The following PLXNA4 variants were observed in gnomAD, a reference collection of about 807,000 sequenced individuals.
PLXNA4 encodes plexin-A4.
Under a neutral mutation model 191.8 loss-of-function variants are expected in PLXNA4, and 44 were observed. The observed-to-expected ratio is 0.23, with a 90% CI of 0.18 to 0.29. The LOEUF is 0.29. Among genes scored for constraint, PLXNA4 ranks in the 10% least tolerant of loss-of-function variants. The pLI is 1.00. For missense variants in PLXNA4, 1,800 were observed against 2,488.8 expected, an observed-to-expected ratio of 0.72 and a Z score of 5.89; for synonymous variants, 1,082 against 1,009.5, an observed-to-expected ratio of 1.07 and a Z score of -1.36.
At chr7:132,484,943 G>GC in intron 3 of PLXNA4, 1 of 1,614,100 alleles carries the variant, frequency 6.2e-7, no homozygotes, top group Non-Finnish European at 8.5e-7. Context: ...AGCAATGTTC[G>GC]CCCCAGGTGG....
chr7:132,123,992 C>A lies in PLXNA4; in HGVS notation c.*6487G>T, dbSNP rs541948405. 6.6e-6 allele frequency: 1 copy of A among 152,402 alleles called. No individual in the cohort carries two copies. Among genetic ancestry groups the A allele is most frequent in the South Asian group, 2.1e-4 (1 of 4,822 alleles). 9.4% of individuals were successfully genotyped at this position (152,402 alleles called of 1,614,324 possible). ...GCTATGGTAACTCAGCAGGACCCTG[C>A]TGGAAGAGATGGGCTGGCCCCTACA... On this transcript the variant is annotated 3_prime_UTR_variant, in exon 32 of 32. Coordinates refer to ENST00000321063, the MANE Select transcript of PLXNA4 (RefSeq NM_020911.2).
At position 132,317,052 on chromosome 7, in the gene PLXNA4, A is replaced by T. The variant is rs78874979; in HGVS notation, c.1372-18830T>A. On this transcript the variant is annotated intron_variant, in intron 3 of 31. Coordinates refer to ENST00000321063, the MANE Select transcript of PLXNA4 (RefSeq NM_020911.2). ...TGTTGTGTTGTGTTAGACTGGATTT[A>T]TTGGATTAGGTTGGGTTGAATTGGA... Among the ~76,000 whole-genome samples the T allele has an allele frequency of 3.7e-3, 569 of 151,956 alleles. 14 individuals carry two copies. In the East Asian group the frequency reaches 0.043, roughly 12 times the overall value.
At chr7:132,397,591 C>G (rs747364123) in intron 3 of PLXNA4, among the ~76,000 whole-genome samples, 5 of 152,170 alleles carry the variant, frequency 3.3e-5, no homozygotes, top group Non-Finnish European at 5.9e-5. Context: ...TACAGAAAGA[C>G]AAGAACAGAG....
At chr7:132,604,482 G>A (rs560189574) in intron 2 of PLXNA4, among the ~76,000 whole-genome samples, 3 of 152,290 alleles carry the variant, frequency 2.0e-5, no homozygotes, top group East Asian at 1.9e-4. Flanking sequence ...TCTCTGTCTC[G>A]TGAAAAGTAG....
chr7:132,285,960 T>G (rs1800669429), intron 4 of PLXNA4, among the ~76,000 whole-genome samples: 2 of 149,232 alleles, frequency 1.3e-5, no homozygotes, highest in Non-Finnish European at 1.5e-5. Context: ...TCAGTGGTAG[T>G]CTTAAGAAAG....
Position 132,507,521 on chromosome 7 carries a change from G to T in PLXNA4, c.1173C>A (p.Ile391=), listed in dbSNP as rs1798516809. Residue 391 remains isoleucine, a synonymous_variant, in exon 2 of 32, where the codon ATC becomes ATA. Transcript: ENST00000321063. ...CTGTACTCACCGCACTGCTGCAGGGGATGTCCTTCACCTTGAGCCAGGCCA... is the reference window on the plus strand; with the variant it reads ...CTGTACTCACCGCACTGCTGCAGGGTATGTCCTTCACCTTGAGCCAGGCCA... The part of the protein sequence containing the change: ...LDLAWLKVKD[I]PCSSALLTID... The T allele has an allele frequency of 1.2e-6, 2 of 1,612,004 alleles. No homozygotes were observed. The highest frequency in any genetic ancestry group is 1.7e-6 in the Non-Finnish European group (2 of 1,179,200).
At chr7:132,180,333 T>C (rs896170) in intron 19 of PLXNA4, among the ~76,000 whole-genome samples, 32,657 of 152,208 alleles carry the variant, frequency 0.21, 4,179 homozygotes, top group Middle Eastern at 0.38. Context: ...GCTTTGTTTG[T>C]TGCAGGTGAT....
intron 3 of PLXNA4, among the ~76,000 whole-genome samples, chr7:132,299,111 C>T (rs1416236113): frequency 2.6e-5 from 4 of 152,194 alleles, no homozygotes; most frequent in Admixed American, 6.5e-5. Context: ...CCAACATGAC[C>T]GCTGCGCAGT....
chr7:132,628,963 T>C (rs911434089), intron 2 of PLXNA4, among the ~76,000 whole-genome samples: 2 of 152,244 alleles, frequency 1.3e-5, no homozygotes, highest in East Asian at 3.8e-4. Flanking sequence ...ATGTCTTATG[T>C]CCTTGGCTGT....
At chr7:132,326,112 C>T (rs1318920901) in intron 3 of PLXNA4, among the ~76,000 whole-genome samples, 2 of 152,136 alleles carry the variant, frequency 1.3e-5, no homozygotes, top group Admixed American at 6.5e-5. Flanking sequence ...GGGGGGGTCT[C>T]TACCAATCTA....
At chr7:132,620,825 T>C (rs528652955) in intron 2 of PLXNA4, among the ~76,000 whole-genome samples, 5 of 152,354 alleles carry the variant, frequency 3.3e-5, no homozygotes, top group Admixed American at 2.6e-4. Context: ...TATCACAGAA[T>C]ACCATCAACC....
At chr7:132,408,610 C>T (rs888655714) in intron 3 of PLXNA4, among the ~76,000 whole-genome samples, 20 of 152,072 alleles carry the variant, frequency 1.3e-4, no homozygotes, top group African/African-American at 4.6e-4. Context: ...ACTACAGGCA[C>T]GTGCCACCAC....
intron 3 of PLXNA4, among the ~76,000 whole-genome samples, chr7:132,416,203 T>G (rs1794654653): frequency 6.6e-6 from 1 of 152,160 alleles, no homozygotes; most frequent in African/African-American, 2.4e-5. Context: ...CTTTTCAGGA[T>G]AACCAGCTGG....
chr7:132,326,991 A>G (rs1455263696), intron 3 of PLXNA4, among the ~76,000 whole-genome samples: 1 of 145,610 alleles, frequency 6.9e-6, no homozygotes, highest in Non-Finnish European at 1.5e-5. Context: ...AAGGAAGCGA[A>G]GGAGGGAGGG....
At position 132,396,731 on chromosome 7, in the gene PLXNA4, A is replaced by T. The variant is rs146955825; in HGVS notation, c.1371+92561T>A. 5.5e-3 allele frequency among the ~76,000 whole-genome samples: 833 copies of T among 152,318 alleles called. 10 individuals carry two copies. The highest frequency in any genetic ancestry group is 0.018 in the African/African-American group (749 of 41,576). On this transcript the variant is annotated intron_variant, in intron 3 of 31. Transcript: ENST00000321063. ...GGTTTCAAACTCTTGGCCTCAAGTG[A>T]TCCACCTGCCTCAGTCTCCCAGTGT...
intron 3 of PLXNA4, among the ~76,000 whole-genome samples, chr7:132,480,439 A>G (rs1797291769): frequency 6.6e-6 from 1 of 152,236 alleles, no homozygotes; most frequent in Admixed American, 6.5e-5. Context: ...AGAAGCTGTC[A>G]TCCTCCAAAT....
At chr7:132,486,926 T>C (rs1020807186) in intron 3 of PLXNA4, among the ~76,000 whole-genome samples, 2 of 152,126 alleles carry the variant, frequency 1.3e-5, no homozygotes, top group African/African-American at 2.4e-5. Context: ...CCCAAACTCA[T>C]GGTGCTGCAC....
intron 3 of PLXNA4, among the ~76,000 whole-genome samples, chr7:132,421,729 C>T (rs545707419): frequency 6.6e-6 from 1 of 151,958 alleles, no homozygotes; most frequent in Non-Finnish European, 1.5e-5. Flanking sequence ...TTATTATTAT[C>T]CCAATTAATA....
intron 3 of PLXNA4, among the ~76,000 whole-genome samples, chr7:132,463,629 G>C (rs1166509342): frequency 2.0e-5 from 3 of 152,178 alleles, no homozygotes; most frequent in Non-Finnish European, 4.4e-5. Context: ...TGGAAGTTAG[G>C]CAGAACTTGT....
Sources: allele counts gnomAD v4.1 joint callset (sites outside exome capture counted in the v4.1 genomes callset), GRCh38; gene constraint gnomAD v4.1.1; transcripts MANE v1.5; gene names NCBI Gene and HGNC (gene_info 2026-07-23, HGNC 2026-07-21).